TMEM132B: variants seen among roughly 807,000 people sequenced by gnomAD.
TMEM132B encodes the protein transmembrane protein 132B.
TMEM132B carries 18 observed loss-of-function variants against 90.8 expected under a neutral mutation model. The ratio of observed to expected loss-of-function variants is 0.20; its 90% CI spans 0.14 to 0.29. The LOEUF (loss-of-function observed/expected upper bound fraction) is 0.29, where lower values mean the gene tolerates loss of function less well. Ranked by LOEUF, TMEM132B falls within the 10% of genes least tolerant of loss-of-function variation. The pLI, the probability that TMEM132B is intolerant of heterozygous loss-of-function variation, is 1.00. For missense variants in TMEM132B, 1,096 were observed against 1,326.8 expected (o/e 0.83, Z 2.70); for synonymous variants, 504 against 523.3 (o/e 0.96, Z 0.50).
chr12:125,362,661 G>A (rs1038900829), intron 2 of TMEM132B, among the ~76,000 whole-genome samples: 2 of 152,156 alleles, frequency 1.3e-5, no homozygotes, highest in Admixed American at 6.5e-5. Flanking sequence ...TACTCTGTAC[G>A]TCTGTGAGTT....
chr12:125,525,822 G>A (rs1028195294), intron 4 of TMEM132B, among the ~76,000 whole-genome samples: 2 of 152,162 alleles, frequency 1.3e-5, no homozygotes, highest in Admixed American at 6.5e-5. Context: ...GGTCCACTGG[G>A]TAAGGTTGGA....
chr12:125,501,780 A>C (rs1000320959), intron 3 of TMEM132B, among the ~76,000 whole-genome samples: 9 of 151,994 alleles, frequency 5.9e-5, no homozygotes, highest in African/African-American at 1.9e-4. Flanking sequence ...ATTTTGCAAG[A>C]CTCTCAGTCT....
chr12:125,408,105 T>G lies in TMEM132B; in HGVS notation c.960-7426T>G, dbSNP rs1237015389. Reference sequence around the variant, plus strand: ...AGATCTGTGTGCCTGCTTCTGACTTTCCACGAACGGAATTGCACAGTGCGC... The same window carrying G: ...AGATCTGTGTGCCTGCTTCTGACTTGCCACGAACGGAATTGCACAGTGCGC... On this transcript the variant is annotated intron_variant, in intron 2 of 8. Coordinates refer to ENST00000682704, the MANE Select transcript of TMEM132B (RefSeq NM_001366854.1). The surrounding 1 kb of genome is among the most constrained non-coding windows in gnomAD (Gnocchi z 5.9). Among the ~76,000 whole-genome samples, 5 of 152,204 alleles carry G rather than the reference T, an allele frequency of 3.3e-5. No homozygotes were observed. Among genetic ancestry groups the G allele is most frequent in the African/African-American group, 9.6e-5 (4 of 41,452 alleles).
At position 125,505,690 on chromosome 12, in the gene TMEM132B, C is replaced by T. The variant is rs139657185; in HGVS notation, c.1107-13749C>T. On this transcript the variant is annotated intron_variant, in intron 3 of 8. Transcript: ENST00000682704. ...TCAAGCTTGGGCGACAAGAGCGAAA[C>T]CCCGTCTCAGAAAAAAAAAAAAAAA... Among the ~76,000 whole-genome samples the T allele has an allele frequency of 1.4e-4, 21 of 148,538 alleles. 1 individual carries two copies. The East Asian group carries it at 4.1e-3, about 29-fold the overall frequency.
intron 1 of TMEM132B, among the ~76,000 whole-genome samples, chr12:125,286,675 G>A (rs1239210113): frequency 6.6e-6 from 1 of 152,080 alleles, no homozygotes; most frequent in Non-Finnish European, 1.5e-5. Context: ...CAGCAGGGCT[G>A]TGTTCCTTCT....
intron 3 of TMEM132B, among the ~76,000 whole-genome samples, chr12:125,451,410 G>C (rs1352946778): frequency 6.6e-6 from 1 of 152,160 alleles, no homozygotes; most frequent in Non-Finnish European, 1.5e-5. Context: ...AGAGAATGAA[G>C]AGAGTGAGTG....
intron 2 of TMEM132B, among the ~76,000 whole-genome samples, chr12:125,369,865 A>G (rs988305792): frequency 1.3e-5 from 2 of 152,184 alleles, no homozygotes; most frequent in African/African-American, 4.8e-5. Context: ...CCTGGCCAAC[A>G]TGGTGAAACC....
At chr12:125,641,918 C>A (rs1021241315) in intron 5 of TMEM132B, among the ~76,000 whole-genome samples, 6 of 152,136 alleles carry the variant, frequency 3.9e-5, no homozygotes, top group African/African-American at 1.4e-4. Flanking sequence ...TAGGTGATAA[C>A]CACCTGAGCT....
chr12:125,640,014 G>C (rs1193566502), intron 5 of TMEM132B, among the ~76,000 whole-genome samples: 1 of 152,144 alleles, frequency 6.6e-6, no homozygotes, highest in Non-Finnish European at 1.5e-5. Context: ...AGCTTCCGGG[G>C]TCAGTCTGGG....
chr12:125,654,860 G>C lies in TMEM132B; in HGVS notation c.*150G>C. ...TTTCTAAGCAGGTAAAAGAGGTTTG[G>C]AGAGCTATAGAAGCTGGGTTTTAAG... On this transcript the variant is annotated 3_prime_UTR_variant, in exon 9 of 9. Coordinates refer to ENST00000682704, the MANE Select transcript of TMEM132B (RefSeq NM_001366854.1). This position sits in a 1 kb window ranked among gnomAD's most constrained non-coding sequence, Gnocchi z 5.8. The C allele has an allele frequency of 2.2e-6, 2 of 925,846 alleles. No individual in the cohort carries two copies. The highest frequency in any genetic ancestry group is 3.6e-5 in the South Asian group (2 of 54,966). The allele number at this position is 925,846 out of a possible 1,614,324, so 57.4% of individuals were successfully genotyped here. A position where few individuals can be genotyped will look rare whatever the true frequency, so the allele number is the denominator to read the frequency against.
intron 2 of TMEM132B, among the ~76,000 whole-genome samples, chr12:125,359,167 T>A (rs1222149676): frequency 6.6e-6 from 1 of 152,200 alleles, no homozygotes; most frequent in Non-Finnish European, 1.5e-5. Flanking sequence ...AATAGATAAA[T>A]GATCCTAGTT....
At chr12:125,640,929 G>GACACAC (rs60088908) in intron 5 of TMEM132B, among the ~76,000 whole-genome samples, 14,921 of 149,364 alleles carry the variant, frequency 0.1, 1,085 homozygotes, top group African/African-American at 0.2. Context: ...AGGAGAAATA[G>GACACAC]ACACACACAC....
intron 1 of TMEM132B, among the ~76,000 whole-genome samples, chr12:125,239,282 G>A (rs1026128364): frequency 4.6e-5 from 7 of 152,202 alleles, no homozygotes; most frequent in Non-Finnish European, 7.3e-5. Context: ...TCTGACATAT[G>A]TTCCCAAGGA....
chr12:125,512,431 C>G (rs1022963667), intron 3 of TMEM132B, among the ~76,000 whole-genome samples: 1 of 152,172 alleles, frequency 6.6e-6, no homozygotes, highest in African/African-American at 2.4e-5. Flanking sequence ...GTGAGCAGCT[C>G]AGTTATATGA....
chr12:125,340,556 G>T (rs532713407), intron 1 of TMEM132B, among the ~76,000 whole-genome samples: 2 of 152,206 alleles, frequency 1.3e-5, no homozygotes, highest in African/African-American at 4.8e-5. Flanking sequence ...CAAAAGGTTG[G>T]TATTCTCTGT....
At chr12:125,421,798 C>G (rs549128730) in intron 3 of TMEM132B, among the ~76,000 whole-genome samples, 1 of 152,290 alleles carries the variant, frequency 6.6e-6, no homozygotes, top group South Asian at 2.1e-4. Context: ...TGACATAAGA[C>G]AGTTACCATA....
rs1456377198 is a variant in TMEM132B at position 125,382,989 on chromosome 12, T to A, written c.960-32542T>A. On this transcript the variant is annotated intron_variant, in intron 2 of 8. Coordinates refer to ENST00000682704, the MANE Select transcript of TMEM132B (RefSeq NM_001366854.1). ...TTTGACAACTGCAGATAGAGTTCTT[T>A]TTTAGCAGATTGATTCCTCCTCCAG... Among the ~76,000 whole-genome samples the A allele has an allele frequency of 2.6e-5, 4 of 152,224 alleles. No homozygotes were observed. The East Asian group carries it at 7.7e-4, about 29-fold the overall frequency.
intron 1 of TMEM132B, among the ~76,000 whole-genome samples, chr12:125,269,670 G>A (rs1253066065): frequency 6.6e-6 from 1 of 152,170 alleles, no homozygotes; most frequent in African/African-American, 2.4e-5. Context: ...CCAGCACGGA[G>A]CATGACTGAT....
intron 2 of TMEM132B, among the ~76,000 whole-genome samples, chr12:125,400,886 A>C (rs1405060572): frequency 6.6e-6 from 1 of 152,170 alleles, no homozygotes; most frequent in Non-Finnish European, 1.5e-5. Context: ...GTGTGTCCCA[A>C]ACAGTATTGC....
Sources: allele counts gnomAD v4.1 joint callset (sites outside exome capture counted in the v4.1 genomes callset), GRCh38; gene constraint gnomAD v4.1.1; non-coding constraint Gnocchi (gnomAD v3.1); transcripts MANE v1.5; gene names NCBI Gene and HGNC (gene_info 2026-07-23, HGNC 2026-07-21).